The following HIPK1 variants were observed in gnomAD, a reference collection of about 807,000 sequenced individuals.
The protein encoded by HIPK1 is homeodomain interacting protein kinase 1, also known as homeodomain-interacting protein kinase 1.
In HIPK1, 28 loss-of-function variants were observed where a neutral mutation model predicts 117.1. That is an observed-to-expected ratio of 0.24 (90% CI 0.18 to 0.33). The LOEUF (loss-of-function observed/expected upper bound fraction) is 0.33. HIPK1 is among the 10% of genes least tolerant of loss of function. The pLI, the probability that HIPK1 is intolerant of heterozygous loss-of-function variation, is 1.00. For synonymous variants in HIPK1, 605 were observed against 562.5 expected, an observed-to-expected ratio of 1.08 and a Z score of -1.07; for missense variants, 1,122 against 1,475.1, an observed-to-expected ratio of 0.76 and a Z score of 3.92.
chr1:113,939,582 C>T (rs530513168), intron 1 of HIPK1, among the ~76,000 whole-genome samples: 1 of 151,774 alleles, frequency 6.6e-6, no homozygotes, highest in Non-Finnish European at 1.5e-5. Flanking sequence ...GAGTTCAAAG[C>T]GAGAGAATCC....
intron 2 of HIPK1, among the ~76,000 whole-genome samples, chr1:113,946,146 C>T (rs1451712474): frequency 6.6e-6 from 1 of 152,152 alleles, no homozygotes; most frequent in African/African-American, 2.4e-5. Context: ...TAGGTTCCAA[C>T]TACATTTGCT....
intron 2 of HIPK1, among the ~76,000 whole-genome samples, chr1:113,947,418 C>G (rs1671057088): frequency 6.6e-6 from 1 of 152,170 alleles, no homozygotes; most frequent in Admixed American, 6.5e-5. Flanking sequence ...TCCATTTATC[C>G]TAGACAAACA....
At position 113,940,356 on chromosome 1, in the gene HIPK1, C is replaced by G. The variant is rs1253075220; in HGVS notation, c.-2-26C>G. On this transcript the variant is annotated intron_variant, in intron 1 of 15. Coordinates refer to ENST00000426820, the MANE Select transcript of HIPK1 (RefSeq NM_198268.3). ...GCCTTGTATCTTTTATCCTTGTGGT[C>G]TAATTCTTCCTTTCTCTCAATATAG... 2.0e-6 allele frequency: 3 copies of G among 1,537,084 alleles called. No homozygotes were observed. The South Asian group carries it at 3.8e-5, about 19-fold the overall frequency.
At chr1:113,948,845 T>G (rs974603505) in intron 2 of HIPK1, among the ~76,000 whole-genome samples, 1 of 152,118 alleles carries the variant, frequency 6.6e-6, no homozygotes, top group Non-Finnish European at 1.5e-5. Context: ...CTACCTTTTT[T>G]ATTTTTTTCT....
chr1:113,933,839 C>T (rs780041346), intron 1 of HIPK1, among the ~76,000 whole-genome samples: 3 of 152,048 alleles, frequency 2.0e-5, no homozygotes, highest in African/African-American at 2.4e-5. Flanking sequence ...TACTGCACTC[C>T]GGTCTGGGTG....
rs539643938 is a variant in HIPK1 at position 113,947,457 on chromosome 1, A to C, written c.1077-5309A>C. On this transcript the variant is annotated intron_variant, in intron 2 of 15. Transcript: ENST00000426820. ...AATCTAATTTCCTCTGGCAGTCAAA[A>C]TATAGTTTCACCTAAGCCACTGATG... Among the ~76,000 whole-genome samples, 320 of 152,368 alleles carry C rather than the reference A, an allele frequency of 2.1e-3. 4 individuals are homozygous for C. The highest frequency in any genetic ancestry group is 7.2e-3 in the African/African-American group (301 of 41,584).
chr1:113,962,411 A>G lies in HIPK1; in HGVS notation c.2076A>G (p.Leu692=). The change falls in exon 9 of 16, where the codon CTA becomes CTG. Residue 692 remains leucine (L), a synonymous_variant. Coordinates refer to ENST00000426820, the MANE Select transcript of HIPK1 (RefSeq NM_198268.3). The stretch of plus-strand genomic sequence containing the variant: ...CCCAGGCACCAGCTGCTCAGCCACT[A>G]CAGATTCAGTCAGGAGTTCTCACGC... ...IVPQAPAAQP[L]QIQSGVLTQG... 1.9e-6 allele frequency: 3 copies of G among 1,613,888 alleles called. No individual in the cohort carries two copies. Among genetic ancestry groups the G allele is most frequent in the South Asian group, 2.2e-5 (2 of 91,074 alleles).
intron 10 of HIPK1, among the ~76,000 whole-genome samples, chr1:113,964,147 A>T (rs1294316359): frequency 1.3e-5 from 2 of 152,068 alleles, no homozygotes; most frequent in African/African-American, 4.8e-5. Context: ...ATTTAAAGAT[A>T]TTCCCTTTAG....
At chr1:113,939,298 G>A (rs1300084712) in intron 1 of HIPK1, among the ~76,000 whole-genome samples, 1 of 150,856 alleles carries the variant, frequency 6.6e-6, no homozygotes, top group Non-Finnish European at 1.5e-5. Context: ...ACAGGCATGT[G>A]CCACCATGCC....
chr1:113,963,128 T>G (rs2101423087), intron 9 of HIPK1, among the ~76,000 whole-genome samples: 1 of 152,328 alleles, frequency 6.6e-6, no homozygotes, highest in South Asian at 2.1e-4. Context: ...AATAAATGTC[T>G]CTGTTTCATA....
At chr1:113,945,167 C>T (rs1228852490) in intron 2 of HIPK1, among the ~76,000 whole-genome samples, 1 of 152,106 alleles carries the variant, frequency 6.6e-6, no homozygotes, top group Non-Finnish European at 1.5e-5. Context: ...TTTTATGTGC[C>T]CGACATCTGT....
chr1:113,966,368 G>A, intron 11 of HIPK1, 96 bp downstream of exon 11: 1 of 1,201,072 alleles, frequency 8.3e-7, no homozygotes, highest in Non-Finnish European at 1.1e-6. Flanking sequence ...AGAAAATAAA[G>A]GAAAATTTGA....
At chr1:113,938,492 T>C (rs185577137) in intron 1 of HIPK1, among the ~76,000 whole-genome samples, 2 of 152,270 alleles carry the variant, frequency 1.3e-5, no homozygotes, top group African/African-American at 2.4e-5. Flanking sequence ...AGAGCAGTTA[T>C]CTGATTTGCA....
Position 113,941,539 on chromosome 1 carries a change from T to G in HIPK1, c.1076+80T>G, listed in dbSNP as rs2101176494. The stretch of plus-strand genomic sequence containing the variant: ...TAACATATACCCCGTAGGCTACATA[T>G]AGCAATGAATTTGTTTATAGATTCT... On this transcript the variant is annotated intron_variant, in intron 2 of 15. Coordinates refer to ENST00000426820, the MANE Select transcript of HIPK1 (RefSeq NM_198268.3). The surrounding 1 kb of genome is among the most constrained non-coding windows in gnomAD (Gnocchi z 4.9). 9.6e-7 allele frequency: 1 copy of G among 1,040,516 alleles called. No homozygotes were observed. Among genetic ancestry groups the G allele is most frequent in the Non-Finnish European group, 1.4e-6 (1 of 706,250 alleles). The allele number at this position is 1,040,516 out of a possible 1,614,324, so 64.5% of individuals were successfully genotyped here.
In HIPK1 at chr1:113,948,604, A is replaced by G. The variant is rs1191473143; in HGVS notation, c.1077-4162A>G. 2.2e-5 allele frequency among the ~76,000 whole-genome samples: 3 copies of G among 134,492 alleles called. No individual in the cohort carries two copies. In the East Asian group the frequency reaches 6.5e-4, roughly 29 times the overall value. 88.2% of individuals were successfully genotyped at this position (134,492 alleles called of 152,430 possible). A position where few individuals can be genotyped will look rare whatever the true frequency, so the allele number is the denominator to read the frequency against. ...TCCTTTTTTTGTTTTTCCTTTTGCT[A>G]TTTGCCTTTTTATAAGGTAGATACG... is the stretch of plus-strand genomic sequence containing the variant. On this transcript the variant is annotated intron_variant, in intron 2 of 15. Coordinates refer to ENST00000426820, the MANE Select transcript of HIPK1 (RefSeq NM_198268.3).
At chr1:113,972,424 G>T (rs1030282824) in intron 15 of HIPK1, among the ~76,000 whole-genome samples, 1 of 152,058 alleles carries the variant, frequency 6.6e-6, no homozygotes, top group Non-Finnish European at 1.5e-5. Context: ...CCCACTCTCC[G>T]AACACCCCCA....
At chr1:113,966,041 A>G in intron 10 of HIPK1, 89 bp from the exon 11 acceptor site, 1 of 1,320,072 alleles carries the variant, frequency 7.6e-7, no homozygotes, top group Non-Finnish European at 1.0e-6. Flanking sequence ...ACTTCTTTTA[A>G]GATATGAATT....
At chr1:113,929,649 C>T in intron 1 of HIPK1, 117 bp downstream of exon 1, 5 of 1,003,620 alleles carry the variant, frequency 5.0e-6, no homozygotes, top group Non-Finnish European at 6.6e-6. Flanking sequence ...GGCTGCGGAG[C>T]AAGGGGCCCG....
chr1:113,972,204 C>A, intron 15 of HIPK1: 1 of 1,054,324 alleles, frequency 9.5e-7, no homozygotes, highest in Non-Finnish European at 1.3e-6. Context: ...GTTAGAGAAA[C>A]GTCTGGGATT....
Sources: allele counts gnomAD v4.1 joint callset (sites outside exome capture counted in the v4.1 genomes callset), GRCh38; gene constraint gnomAD v4.1.1; non-coding constraint Gnocchi (gnomAD v3.1); transcripts MANE v1.5; gene names NCBI Gene and HGNC (gene_info 2026-07-23, HGNC 2026-07-21).